The following GDA variants were observed in gnomAD, a reference collection of about 807,000 sequenced individuals.
The protein encoded by GDA is cytoplasmic PSD-95 interactor.
Under a neutral mutation model 59.6 loss-of-function variants are expected in GDA, and 18 were observed. The observed-to-expected ratio is 0.30, with a 90% CI of 0.21 to 0.45. The LOEUF (loss-of-function observed/expected upper bound fraction) is 0.45. Ranked by LOEUF, GDA falls within the 20% of genes least tolerant of loss-of-function variation. The pLI, the probability that GDA is intolerant of heterozygous loss-of-function variation, is 1.00. For missense variants in GDA, 427 were observed against 552.3 expected, an observed-to-expected ratio of 0.77 and a Z score of 2.27; for synonymous variants, 201 against 201.1, an observed-to-expected ratio of 1.00 and a Z score of 0.00.
chr9:72,181,231 G>A (rs543054786), intron 1 of GDA, among the ~76,000 whole-genome samples: 19 of 152,246 alleles, frequency 1.2e-4, no homozygotes, highest in African/African-American at 4.3e-4. Flanking sequence ...GTGATGAACT[G>A]TGGTTATCTT....
chr9:72,246,045 T>C (rs1256157782), intron 12 of GDA, among the ~76,000 whole-genome samples: 2 of 152,198 alleles, frequency 1.3e-5, no homozygotes, highest in Admixed American at 1.3e-4. Context: ...CATTTGTTAT[T>C]ATAAAAGAGG....
intron 1 of GDA, among the ~76,000 whole-genome samples, chr9:72,188,887 G>T (rs1273761692): frequency 6.6e-6 from 1 of 152,178 alleles, no homozygotes; most frequent in Non-Finnish European, 1.5e-5. Context: ...AGACCTGTGT[G>T]CCCAGGATGC....
intron 1 of GDA, among the ~76,000 whole-genome samples, chr9:72,133,540 G>A (rs1826112937): frequency 1.3e-5 from 2 of 152,048 alleles, no homozygotes; most frequent in Admixed American, 6.6e-5. Flanking sequence ...GGCAAGGCTC[G>A]ATTTTAGATC....
At chr9:72,225,302 C>A (rs1342833637) in intron 7 of GDA, among the ~76,000 whole-genome samples, 1 of 152,032 alleles carries the variant, frequency 6.6e-6, no homozygotes, top group African/African-American at 2.4e-5. Context: ...AAGGCCAGCA[C>A]CAGAAGAGGC....
chr9:72,199,875 C>G (rs1278157227), intron 2 of GDA, among the ~76,000 whole-genome samples: 2 of 152,028 alleles, frequency 1.3e-5, no homozygotes, highest in Non-Finnish European at 2.9e-5. Flanking sequence ...CTTTCTCAGT[C>G]TTACTCCTGA....
intron 9 of GDA, 80 bp downstream of exon 9, chr9:72,228,120 C>T: frequency 1.3e-6 from 1 of 795,512 alleles, no homozygotes; most frequent in Non-Finnish European, 2.2e-6. Flanking sequence ...TTTCCTCTGT[C>T]ATTCCTCCAG....
At chr9:72,180,059 GT>G (rs1212908601) in intron 1 of GDA, among the ~76,000 whole-genome samples, 1 of 151,890 alleles carries the variant, frequency 6.6e-6, no homozygotes, top group African/African-American at 2.4e-5. Context: ...CAGATTTCAA[GT>G]TTTTTTAAAA....
chr9:72,121,817 AC>A (rs1825672526), intron 1 of GDA, among the ~76,000 whole-genome samples: 2 of 152,182 alleles, frequency 1.3e-5, no homozygotes, highest in African/African-American at 4.8e-5. Context: ...GCTCTTGGCA[AC>A]ATCACCAATT....
At chr9:72,148,074 T>C (rs1826747487), upstream of GDA, among the ~76,000 whole-genome samples, 1 of 152,220 alleles carries the variant, frequency 6.6e-6, no homozygotes, top group Non-Finnish European at 1.5e-5. Flanking sequence ...GAATCATTTC[T>C]ATAAGCCAGC....
chr9:72,176,450 C>T (rs956703693), intron 1 of GDA, among the ~76,000 whole-genome samples: 2 of 152,258 alleles, frequency 1.3e-5, no homozygotes, highest in African/African-American at 2.4e-5. Context: ...GGAAGAGTGT[C>T]GAAGATTTTG....
At chr9:72,235,330 C>T (rs992580992) in intron 10 of GDA, among the ~76,000 whole-genome samples, 1 of 152,032 alleles carries the variant, frequency 6.6e-6, no homozygotes, top group Non-Finnish European at 1.5e-5. Context: ...TTTATGCTTT[C>T]CTTATGTCAT....
At position 72,225,671 on chromosome 9, in the gene GDA, T is replaced by C; in HGVS notation, c.715-6T>C. ...GAAAAATGAAAATATTATTTTTTTCTTGTAGAGCCATATAAGTGAAAATCG... is the reference window on the plus strand; with the variant it reads ...GAAAAATGAAAATATTATTTTTTTCCTGTAGAGCCATATAAGTGAAAATCG... On this transcript the variant is annotated splice_region_variant and splice_polypyrimidine_tract_variant and intron_variant, in intron 7 of 13. Transcript: ENST00000358399. The C allele has an allele frequency of 7.6e-7, 1 of 1,317,066 alleles. No homozygotes were observed. The highest frequency in any genetic ancestry group is 1.1e-6 in the Non-Finnish European group (1 of 931,558). The allele number at this position is 1,317,066 out of a possible 1,614,324, so 81.6% of individuals were successfully genotyped here. A position where few individuals can be genotyped will look rare whatever the true frequency, so the allele number is the denominator to read the frequency against.
chr9:72,194,248 T>TAGTACCC (rs1446208761), intron 1 of GDA: 6 of 152,196 alleles, frequency 3.9e-5, no homozygotes, highest in Non-Finnish European at 7.3e-5. Flanking sequence ...TGTGCTGAGT[T>TAGTACCC]TCACCCAAGG....
At chr9:72,178,708 G>A (rs559547901) in intron 1 of GDA, among the ~76,000 whole-genome samples, 3 of 152,200 alleles carry the variant, frequency 2.0e-5, no homozygotes, top group East Asian at 1.9e-4. Flanking sequence ...GTGAGCCACC[G>A]TACCCAGCCT....
Position 72,149,553 on chromosome 9 carries a change from C to A in GDA, c.-7C>A. 6.2e-7 allele frequency: 1 copy of A among 1,609,460 alleles called. No homozygotes were observed. Among genetic ancestry groups the A allele is most frequent in the Admixed American group, 1.7e-5 (1 of 59,900 alleles). On this transcript the variant is annotated 5_prime_UTR_variant, in exon 1 of 14. Transcript: ENST00000358399. ...CCAGCAGACCCGCGCTGCGCTCCGC[C>A]GCTGACATGTGTGCCGCTCAGATGC...
intron 1 of GDA, among the ~76,000 whole-genome samples, chr9:72,166,617 C>T (rs1829347217): frequency 6.6e-6 from 1 of 152,056 alleles, no homozygotes; most frequent in Admixed American, 6.5e-5. Flanking sequence ...ATGCATGTAA[C>T]AAATATCACA....
intron 9 of GDA, among the ~76,000 whole-genome samples, chr9:72,230,474 G>C (rs1838191711): frequency 6.9e-6 from 1 of 144,596 alleles, no homozygotes; most frequent in Admixed American, 7.0e-5. Flanking sequence ...CTGGATGACA[G>C]AGACAGACTC....
intron 1 of GDA, among the ~76,000 whole-genome samples, chr9:72,166,683 A>G (rs1025133718): frequency 5.3e-5 from 8 of 152,164 alleles, no homozygotes; most frequent in Non-Finnish European, 1.0e-4. Context: ...TAAAAATGTA[A>G]TTGTGCCAAT....
intron 1 of GDA, among the ~76,000 whole-genome samples, chr9:72,130,760 GT>G (rs1490942515): frequency 1.3e-5 from 2 of 152,346 alleles, no homozygotes; most frequent in East Asian, 3.9e-4. Flanking sequence ...ATTGATTCTT[GT>G]GTGAGCTGAG....
Sources: allele counts gnomAD v4.1 joint callset (sites outside exome capture counted in the v4.1 genomes callset), GRCh38; gene constraint gnomAD v4.1.1; transcripts MANE v1.5; gene names NCBI Gene and HGNC (gene_info 2026-07-23, HGNC 2026-07-21).